DYM: variants seen among roughly 807,000 people sequenced by gnomAD.
The protein encoded by DYM is dyggve-Melchior-Clausen syndrome protein.
DYM carries 78 observed loss-of-function variants against 93.1 expected under a neutral mutation model. The observed-to-expected ratio is 0.84, with a 90% confidence interval of 0.70 to 1.01. The LOEUF is 1.01. Among genes scored for constraint, DYM ranks in the 50% least tolerant of loss-of-function variants. DYM has a pLI of 0.00. For synonymous variants in DYM, 321 were observed against 319.7 expected (o/e 1.00, Z -0.04); for missense variants, 789 against 845.0 (o/e 0.93, Z 0.82).
Position 49,141,689 on chromosome 18 carries a change from C to T in DYM, c.1728+21996G>A, listed in dbSNP as rs559849473. On this transcript the variant is annotated intron_variant, in intron 15 of 17. Coordinates refer to ENST00000675505, the MANE Select transcript of DYM (RefSeq NM_001353214.3). ...CTCTAAATCTAAAACAGGATTCTTG[C>T]GATTCTCTTGCATTATGTCCCTGTT... is the stretch of plus-strand genomic sequence containing the variant. Among the ~76,000 whole-genome samples, 78 of 152,214 alleles carry T rather than the reference C, an allele frequency of 5.1e-4. No individual in the cohort carries two copies. In the Middle Eastern group the frequency reaches 0.024, roughly 47 times the overall value.
chr18:49,296,926 T>C (rs2146082723), intron 8 of DYM, among the ~76,000 whole-genome samples: 1 of 152,342 alleles, frequency 6.6e-6, no homozygotes, highest in South Asian at 2.1e-4. Context: ...TCCTGTAGAC[T>C]CCTTGAAGAG....
intron 3 of DYM, among the ~76,000 whole-genome samples, chr18:49,391,134 G>A (rs565072876): frequency 1.3e-5 from 2 of 152,158 alleles, no homozygotes; most frequent in Admixed American, 6.5e-5. Context: ...ATCTATATGA[G>A]GAAATTAAGG....
intron 3 of DYM, among the ~76,000 whole-genome samples, chr18:49,384,743 G>C (rs1310660493): frequency 1.3e-5 from 2 of 151,206 alleles, no homozygotes; most frequent in African/African-American, 4.9e-5. Flanking sequence ...AATAGTAAAA[G>C]AGGAGAACTG....
chr18:49,056,829 G>C (rs2075534796), intron 17 of DYM, among the ~76,000 whole-genome samples: 2 of 152,128 alleles, frequency 1.3e-5, no homozygotes, highest in Non-Finnish European at 1.5e-5. Context: ...TTACAGGCGT[G>C]AGCCACCGCG....
Position 49,237,375 on chromosome 18 carries a change from C to T in DYM, c.1460+19635G>A, listed in dbSNP as rs538630941. Among the ~76,000 whole-genome samples, 114 of 152,212 alleles carry T rather than the reference C, an allele frequency of 7.5e-4. 2 individuals are homozygous for T. Among genetic ancestry groups the T allele is most frequent in the African/African-American group, 2.7e-3 (112 of 41,540 alleles). On this transcript the variant is annotated intron_variant, in intron 13 of 17. Transcript: ENST00000675505. Reference sequence around the variant, plus strand: ...TATTTTGAGGCCATATATCTTTCAACATAGATTATATTATGGAAAATGCCT... The same window carrying T: ...TATTTTGAGGCCATATATCTTTCAATATAGATTATATTATGGAAAATGCCT...
At chr18:49,135,341 G>A (rs906968864) in intron 15 of DYM, among the ~76,000 whole-genome samples, 1 of 152,110 alleles carries the variant, frequency 6.6e-6, no homozygotes, top group Non-Finnish European at 1.5e-5. Context: ...AGATATACAA[G>A]AGGAAACACT....
At chr18:49,237,302 A>G (rs1348531097) in intron 13 of DYM, among the ~76,000 whole-genome samples, 1 of 152,206 alleles carries the variant, frequency 6.6e-6, no homozygotes, top group Non-Finnish European at 1.5e-5. Flanking sequence ...AACAACTTAA[A>G]TGTCGTAATA....
intron 8 of DYM, among the ~76,000 whole-genome samples, chr18:49,287,833 A>G (rs2059767166): frequency 6.7e-6 from 1 of 148,932 alleles, no homozygotes; most frequent in Admixed American, 6.6e-5. Context: ...CGTCTCAAAA[A>G]AAAAAAAAAA....
At chr18:49,357,864 A>C (rs1271204866) in intron 6 of DYM, among the ~76,000 whole-genome samples, 1 of 152,168 alleles carries the variant, frequency 6.6e-6, no homozygotes, top group Non-Finnish European at 1.5e-5. Context: ...TAAGACAAAA[A>C]ACAGGCCAGG....
intron 14 of DYM, among the ~76,000 whole-genome samples, chr18:49,189,139 A>G (rs367823070): frequency 1.1e-4 from 16 of 152,192 alleles, no homozygotes; most frequent in East Asian, 7.7e-4. Context: ...AATAACAGAA[A>G]CTGAGGACTC....
At chr18:49,289,758 T>C (rs55668676) in intron 8 of DYM, among the ~76,000 whole-genome samples, 3,994 of 38,048 alleles carry the variant, frequency 0.1, 353 homozygotes, top group African/African-American at 0.22. Flanking sequence ...TATATATATA[T>C]ATATATATAT....
Position 49,214,654 on chromosome 18 carries a change from G to T in DYM, c.1461-4939C>A, listed in dbSNP as rs117046026. Among the ~76,000 whole-genome samples, 111 of 152,138 alleles carry T rather than the reference G, an allele frequency of 7.3e-4. 1 individual carries two copies. The East Asian group carries it at 0.02, about 27-fold the overall frequency. ...GCTAATTGTTAATTTTGGTGGTTAT[G>T]AACAATTTCACTGATGGTATGATAT... On this transcript the variant is annotated intron_variant, in intron 13 of 17. Transcript: ENST00000675505.
At chr18:49,281,385 G>A (rs2094971937) in intron 10 of DYM, among the ~76,000 whole-genome samples, 1 of 152,208 alleles carries the variant, frequency 6.6e-6, no homozygotes, top group South Asian at 2.1e-4. Flanking sequence ...CATTGTGGAA[G>A]TCAGTGTGGC....
At chr18:49,315,851 T>G (rs1419168381) in intron 8 of DYM, among the ~76,000 whole-genome samples, 5 of 152,328 alleles carry the variant, frequency 3.3e-5, no homozygotes, top group African/African-American at 9.6e-5. Context: ...GTCAACACTT[T>G]GTTACTGAAT....
intron 14 of DYM, among the ~76,000 whole-genome samples, chr18:49,184,391 T>C (rs896095356): frequency 6.6e-6 from 1 of 152,086 alleles, no homozygotes; most frequent in Non-Finnish European, 1.5e-5. Flanking sequence ...AAACTAATTA[T>C]AAAAGAAAGC....
intron 13 of DYM, among the ~76,000 whole-genome samples, chr18:49,230,552 A>G (rs542668756): frequency 6.6e-5 from 10 of 152,268 alleles, no homozygotes; most frequent in Non-Finnish European, 1.5e-4. Context: ...CTGAAATGAG[A>G]TAAGTTCCTG....
At position 49,094,363 on chromosome 18, in the gene DYM, C is replaced by T. The variant is rs116582575; in HGVS notation, c.2025+3039G>A. Among the ~76,000 whole-genome samples, 461 of 152,216 alleles carry T rather than the reference C, an allele frequency of 3.0e-3. 3 individuals carry two copies. Among genetic ancestry groups the T allele is most frequent in the African/African-American group, 0.01 (426 of 41,532 alleles). On this transcript the variant is annotated intron_variant, in intron 17 of 17. Transcript: ENST00000675505. Reference sequence around the variant, plus strand: ...TACAGACAGTGAGAGCTTTGAGCTGCGGCTTCTAAGTCGGCTCCCAGAGGA... The same window carrying T: ...TACAGACAGTGAGAGCTTTGAGCTGTGGCTTCTAAGTCGGCTCCCAGAGGA...
At chr18:49,369,703 A>G (rs1051911203) in intron 5 of DYM, among the ~76,000 whole-genome samples, 2 of 152,222 alleles carry the variant, frequency 1.3e-5, no homozygotes, top group Non-Finnish European at 2.9e-5. Context: ...TGCATGTTTA[A>G]TCTACTATGC....
At chr18:49,415,294 T>C (rs1369593964) in intron 2 of DYM, among the ~76,000 whole-genome samples, 5 of 119,436 alleles carry the variant, frequency 4.2e-5, no homozygotes, top group African/African-American at 1.6e-4. Flanking sequence ...CACTACAGTC[T>C]GGGAGACAGA....
Sources: gnomAD v4.1 joint callset for allele counts (sites outside exome capture counted in the v4.1 genomes callset) on GRCh38, gnomAD v4.1.1 for gene constraint, MANE v1.5 for transcripts, NCBI Gene and HGNC (gene_info 2026-07-23, HGNC 2026-07-21) for gene names.